The following SLC6A2 variants were observed in gnomAD, a reference collection of about 807,000 sequenced individuals.
SLC6A2 encodes sodium-dependent noradrenaline transporter.
Under a neutral mutation model 71.7 loss-of-function variants are expected in SLC6A2, and 26 were observed. That is an observed-to-expected ratio of 0.36 (90% CI 0.27 to 0.50). The LOEUF (loss-of-function observed/expected upper bound fraction) is 0.50, where lower values mean the gene tolerates loss of function less well. SLC6A2 is among the 20% of genes least tolerant of loss of function. SLC6A2 has a pLI of 0.96. For synonymous variants in SLC6A2, 363 were observed against 337.9 expected (o/e 1.07, Z -0.82); for missense variants, 581 against 803.9 (o/e 0.72, Z 3.35).
intron 7 of SLC6A2, 24 bp from the exon 8 acceptor site, chr16:55,695,254 A>C: frequency 6.2e-7 from 1 of 1,613,732 alleles, no homozygotes; most frequent in Non-Finnish European, 8.5e-7. Flanking sequence ...AAGGGACTTG[A>C]CCTCACTGTG....
chr16:55,693,799 G>A (rs1316671856), intron 6 of SLC6A2, among the ~76,000 whole-genome samples: 1 of 152,218 alleles, frequency 6.6e-6, no homozygotes, highest in East Asian at 1.9e-4. Flanking sequence ...GACTACCCAA[G>A]GCTGGGAGAT....
At chr16:55,678,201 G>T (rs1221029318) in intron 4 of SLC6A2, among the ~76,000 whole-genome samples, 2 of 151,994 alleles carry the variant, frequency 1.3e-5, no homozygotes, top group Admixed American at 1.3e-4. Context: ...GGGAGTGCAG[G>T]GGCCTCTGCA....
chr16:55,688,071 C>G (rs770952168), intron 5 of SLC6A2, among the ~76,000 whole-genome samples: 1 of 152,214 alleles, frequency 6.6e-6, no homozygotes, highest in Non-Finnish European at 1.5e-5. Flanking sequence ...CACAGGCAGT[C>G]CATGGAGAGG....
intron 2 of SLC6A2, among the ~76,000 whole-genome samples, chr16:55,667,005 C>G (rs1305410778): frequency 9.7e-6 from 1 of 103,506 alleles, no homozygotes; most frequent in Non-Finnish European, 1.9e-5. Flanking sequence ...CTTTTTCTCT[C>G]TCTCTAAATT....
chr16:55,658,373 C>T (rs937421621), intron 2 of SLC6A2, among the ~76,000 whole-genome samples: 10 of 151,970 alleles, frequency 6.6e-5, no homozygotes, highest in Middle Eastern at 3.2e-3. Context: ...CTTAGCTGGG[C>T]GTAGTGGTGC....
intron 5 of SLC6A2, among the ~76,000 whole-genome samples, chr16:55,687,377 T>C (rs1266572435): frequency 6.6e-6 from 1 of 152,204 alleles, no homozygotes; most frequent in African/African-American, 2.4e-5. Context: ...AGATGCTGCA[T>C]TAGTGGAGAA....
chr16:55,683,493 A>T (rs1248745729), intron 4 of SLC6A2, among the ~76,000 whole-genome samples: 3 of 152,080 alleles, frequency 2.0e-5, no homozygotes, highest in African/African-American at 7.2e-5. Flanking sequence ...GGCTTCTGTA[A>T]TCCCAGGTAT....
intron 9 of SLC6A2, 76 bp from the exon 10 acceptor site, chr16:55,697,821 T>C: frequency 6.4e-7 from 1 of 1,563,884 alleles, no homozygotes; most frequent in South Asian, 1.1e-5. Context: ...CAGGAGGCTC[T>C]AGGAACCCTG....
At position 55,671,996 on chromosome 16, in the gene SLC6A2, C is replaced by T. The variant is rs1256484989; in HGVS notation, c.465C>T (p.Ile155=). 6.2e-7 allele frequency: 1 copy of T among 1,614,148 alleles called. No homozygotes were observed. The highest frequency in any genetic ancestry group is 2.2e-5 in the East Asian group (1 of 44,872). Residue 155 remains isoleucine (I), a synonymous_variant, in exon 4 of 15, where the codon ATC becomes ATT. Coordinates refer to ENST00000568943, the MANE Select transcript of SLC6A2 (RefSeq NM_001172501.3). ...ALYVGFYYNV[I]IAWSLYYLFS... ...ACGTTGGCTTCTACTACAACGTCAT[C>T]ATCGCCTGGTCACTCTACTACCTCT... is the stretch of plus-strand genomic sequence containing the variant.
At position 55,691,622 on chromosome 16, in the gene SLC6A2, T is replaced by C. The variant is rs1965631871; in HGVS notation, c.784-296T>C. 2.6e-5 allele frequency among the ~76,000 whole-genome samples: 4 copies of C among 152,178 alleles called. No homozygotes were observed. In the South Asian group the frequency reaches 8.3e-4, roughly 32 times the overall value. ...GCTTTGTAGATGAGGAGGCATCTGG[T>C]GCTATGAGGACCTAGTCTTTGCCCT... On this transcript the variant is annotated intron_variant, in intron 5 of 14. Coordinates refer to ENST00000568943, the MANE Select transcript of SLC6A2 (RefSeq NM_001172501.3).
chr16:55,656,610 C>A lies in SLC6A2; in HGVS notation c.-51-34C>A. On this transcript the variant is annotated intron_variant, in intron 1 of 14. Transcript: ENST00000568943. This position sits in a 1 kb window ranked among gnomAD's most constrained non-coding sequence, Gnocchi z 4.5. ...GGAGTTGCAAGTAGGGAGGAACGGC[C>A]GGGTAACCACCTCTTTTCCCTTTAT... 6.4e-7 allele frequency: 1 copy of A among 1,568,736 alleles called. No homozygotes were observed.
At chr16:55,674,369 G>T (rs535181590) in intron 4 of SLC6A2, among the ~76,000 whole-genome samples, 1 of 151,926 alleles carries the variant, frequency 6.6e-6, no homozygotes, top group Non-Finnish European at 1.5e-5. Flanking sequence ...ACATGATTTT[G>T]TCCTTTTTGT....
chr16:55,684,151 T>G (rs563966518), intron 4 of SLC6A2, among the ~76,000 whole-genome samples: 1 of 151,956 alleles, frequency 6.6e-6, no homozygotes, highest in African/African-American at 2.4e-5. Context: ...AATACAAAAA[T>G]TAGCCAGGCA....
intron 2 of SLC6A2, among the ~76,000 whole-genome samples, chr16:55,664,703 G>C (rs975497248): frequency 6.6e-6 from 1 of 152,206 alleles, no homozygotes; most frequent in East Asian, 1.9e-4. Context: ...ATTTACAAAG[G>C]GGGAGCTAAG....
intron 3 of SLC6A2, among the ~76,000 whole-genome samples, chr16:55,670,020 C>T (rs538954233): frequency 9.2e-5 from 14 of 152,326 alleles, no homozygotes; most frequent in African/African-American, 3.1e-4. Flanking sequence ...TCTCCTTTTG[C>T]TCCCATGGCA....
At chr16:55,692,688 G>C (rs1329555169) in intron 6 of SLC6A2, among the ~76,000 whole-genome samples, 1 of 152,204 alleles carries the variant, frequency 6.6e-6, no homozygotes, top group African/African-American at 2.4e-5. Flanking sequence ...GCCTCCTCTT[G>C]CAGGGCCCCT....
intron 4 of SLC6A2, among the ~76,000 whole-genome samples, chr16:55,674,016 GTTA>G (rs1251244914): frequency 1.3e-5 from 2 of 151,972 alleles, no homozygotes; most frequent in Non-Finnish European, 2.9e-5. Flanking sequence ...TATTGTTGTT[GTTA>G]TTATTATTAT....
intron 2 of SLC6A2, among the ~76,000 whole-genome samples, chr16:55,663,421 G>A (rs922733430): frequency 6.6e-6 from 1 of 152,174 alleles, no homozygotes; most frequent in African/African-American, 2.4e-5. Flanking sequence ...TCTGCCATGA[G>A]TGGAAGCAGC....
At position 55,664,079 on chromosome 16, in the gene SLC6A2, A is replaced by G. The variant is rs538891739; in HGVS notation, c.275-5486A>G. Among the ~76,000 whole-genome samples, 3 of 152,284 alleles carry G rather than the reference A, an allele frequency of 2.0e-5. No homozygotes were observed. In the East Asian group the frequency reaches 5.8e-4, roughly 29 times the overall value. On this transcript the variant is annotated intron_variant, in intron 2 of 14. Coordinates refer to ENST00000568943, the MANE Select transcript of SLC6A2 (RefSeq NM_001172501.3). The stretch of plus-strand genomic sequence containing the variant: ...ATGACATCTCCATAGAAGGCCCAAG[A>G]GGACAGGGTTCAGGAGCTTCAGGAG...
Sources: allele counts gnomAD v4.1 joint callset (sites outside exome capture counted in the v4.1 genomes callset), GRCh38; gene constraint gnomAD v4.1.1; non-coding constraint Gnocchi (gnomAD v3.1); transcripts MANE v1.5; gene names NCBI Gene and HGNC (gene_info 2026-07-23, HGNC 2026-07-21).